The following TMPRSS11A variants were observed in gnomAD, a reference collection of about 807,000 sequenced individuals.
The protein encoded by TMPRSS11A is transmembrane serine protease 11A, also known as transmembrane protease serine 11A.
Under a neutral mutation model 58.9 loss-of-function variants are expected in TMPRSS11A, and 53 were observed. The observed-to-expected ratio is 0.90, with a 90% CI of 0.72 to 1.13. The LOEUF is 1.13. TMPRSS11A is among the 50% of genes most tolerant of loss of function. The pLI is 0.00. For synonymous variants in TMPRSS11A, 167 were observed against 169.8 expected (o/e 0.98, Z 0.13); for missense variants, 493 against 499.3 (o/e 0.99, Z 0.12).
chr4:67,936,873 A>C (rs189943943), intron 3 of TMPRSS11A, among the ~76,000 whole-genome samples: 3 of 152,232 alleles, frequency 2.0e-5, no homozygotes, highest in Admixed American at 2.0e-4. Flanking sequence ...AGATCTTTGA[A>C]TTGCTTTTGT....
At position 67,910,129 on chromosome 4, in the gene TMPRSS11A, C is replaced by G. The variant is rs1489271809; in HGVS notation, c.*1213G>C. On this transcript the variant is annotated 3_prime_UTR_variant, in exon 10 of 10. Coordinates refer to ENST00000508048, the MANE Select transcript of TMPRSS11A (RefSeq NM_001114387.2). The stretch of plus-strand genomic sequence containing the variant: ...TTAATTGTATTACGAAATACATGAG[C>G]CTTACTCTCCTAATGACTTCAGGAG... 1 of 151,910 alleles carries G rather than the reference C, an allele frequency of 6.6e-6. No individual in the cohort carries two copies. The highest frequency in any genetic ancestry group is 1.5e-5 in the Non-Finnish European group (1 of 67,924). 9.4% of individuals were successfully genotyped at this position (151,910 alleles called of 1,614,324 possible). A position where few individuals can be genotyped will look rare whatever the true frequency, so the allele number is the denominator to read the frequency against.
intron 6 of TMPRSS11A, 76 bp downstream of exon 6, chr4:67,924,052 A>C (rs1378618309): frequency 8.5e-7 from 1 of 1,180,230 alleles, no homozygotes; most frequent in East Asian, 2.3e-5. Context: ...ACAGATGGGC[A>C]AGTATGAGCA....
intron 5 of TMPRSS11A, among the ~76,000 whole-genome samples, chr4:67,928,791 C>A (rs1198852101): frequency 6.6e-6 from 1 of 152,180 alleles, no homozygotes; most frequent in South Asian, 2.1e-4. Flanking sequence ...GTCAGCTAGA[C>A]CCTTACAAGG....
rs144463430 is a variant in TMPRSS11A, at chr4:67,955,434, G to A, written c.11+7949C>T. Among the ~76,000 whole-genome samples, 46 of 152,256 alleles carry A rather than the reference G, an allele frequency of 3.0e-4. 1 individual carries two copies. The East Asian group carries it at 4.6e-3, about 15-fold the overall frequency. On this transcript the variant is annotated intron_variant, in intron 1 of 9. Coordinates refer to ENST00000508048, the MANE Select transcript of TMPRSS11A (RefSeq NM_001114387.2). The stretch of plus-strand genomic sequence containing the variant: ...CAGTATCACCTATTAAAGTTTGTAC[G>A]ATATGGTATCAGGTTGGAGGTTTAG...
intron 3 of TMPRSS11A, among the ~76,000 whole-genome samples, chr4:67,936,118 AC>A (rs1720746382): frequency 6.6e-6 from 1 of 152,144 alleles, no homozygotes; most frequent in Non-Finnish European, 1.5e-5. Context: ...TAACGCCTTC[AC>A]AGTGCCTACC....
intron 1 of TMPRSS11A, among the ~76,000 whole-genome samples, chr4:67,951,706 G>A (rs1349896529): frequency 6.6e-6 from 1 of 151,814 alleles, no homozygotes; most frequent in Non-Finnish European, 1.5e-5. Context: ...TCTTCATAAA[G>A]AAGTCCAAAA....
In TMPRSS11A at chr4:67,948,159, T is replaced by C. The variant is rs1330804174; in HGVS notation, c.12-1588A>G. Among the ~76,000 whole-genome samples, 25 of 144,152 alleles carry C rather than the reference T, an allele frequency of 1.7e-4. No individual in the cohort carries two copies. In the East Asian group the frequency reaches 3.2e-3, roughly 18 times the overall value. The allele number at this position is 144,152 out of a possible 152,430, so 94.6% of individuals were successfully genotyped here. A position where few individuals can be genotyped will look rare whatever the true frequency, so the allele number is the denominator to read the frequency against. ...AAACAGTTTTTTTCTTTTTTTTTTT[T>C]TTTTTTTTTGAGACGGAGTCTCACT... On this transcript the variant is annotated intron_variant, in intron 1 of 9. Transcript: ENST00000508048.
At chr4:67,914,798 C>T in intron 8 of TMPRSS11A, 68 bp from the exon 9 acceptor site, 1 of 1,304,308 alleles carries the variant, frequency 7.7e-7, no homozygotes, top group African/African-American at 1.5e-5. Flanking sequence ...AGTGAGCAGA[C>T]TTTCCTAATA....
chr4:67,928,556 G>C (rs1192269768), intron 5 of TMPRSS11A, among the ~76,000 whole-genome samples: 1 of 152,174 alleles, frequency 6.6e-6, no homozygotes, highest in Non-Finnish European at 1.5e-5. Context: ...TACACAGAAA[G>C]CATCATGTAA....
chr4:67,954,315 C>T (rs181708557), intron 1 of TMPRSS11A, among the ~76,000 whole-genome samples: 2 of 152,226 alleles, frequency 1.3e-5, no homozygotes, highest in Non-Finnish European at 2.9e-5. Context: ...TGGAGGGATA[C>T]TTCAATCCCC....
In TMPRSS11A at chr4:67,911,291, C is replaced by A. The variant is rs780260050; in HGVS notation, c.*51G>T. 3 of 1,547,682 alleles carry A rather than the reference C, an allele frequency of 1.9e-6. No individual in the cohort carries two copies. The Admixed American group carries it at 5.2e-5, about 27-fold the overall frequency. ...TACACCCACTAAATAGTTGAATTCTCATGCATATATGACCTGCATACAGCT... is the reference window on the plus strand; with the variant it reads ...TACACCCACTAAATAGTTGAATTCTAATGCATATATGACCTGCATACAGCT... On this transcript the variant is annotated 3_prime_UTR_variant, in exon 10 of 10. Coordinates refer to ENST00000508048, the MANE Select transcript of TMPRSS11A (RefSeq NM_001114387.2).
At chr4:67,923,008 A>T in intron 6 of TMPRSS11A, 82 bp from the exon 7 acceptor site, 3 of 1,352,380 alleles carry the variant, frequency 2.2e-6, no homozygotes, top group Non-Finnish European at 3.1e-6. Context: ...GCCTGAAGAC[A>T]TTTTCGTATA....
chr4:67,929,778 T>C (rs2218059), intron 5 of TMPRSS11A, 102 bp downstream of exon 5: 34 of 1,099,172 alleles, frequency 3.1e-5, no homozygotes, highest in Non-Finnish European at 3.6e-5. Flanking sequence ...ATCTGAATTC[T>C]AGCTATTATT....
At chr4:67,955,504 T>C (rs1028688811) in intron 1 of TMPRSS11A, among the ~76,000 whole-genome samples, 2 of 152,210 alleles carry the variant, frequency 1.3e-5, no homozygotes, top group South Asian at 4.1e-4. Flanking sequence ...GAATTGTTTG[T>C]ATTCAAATGC....
chr4:67,925,422 A>G (rs896844653), intron 5 of TMPRSS11A, among the ~76,000 whole-genome samples: 1 of 152,216 alleles, frequency 6.6e-6, no homozygotes, highest in African/African-American at 2.4e-5. Context: ...TACCAGTGCC[A>G]TGTTTCTCAG....
intron 1 of TMPRSS11A, among the ~76,000 whole-genome samples, chr4:67,959,435 T>C (rs2109774166): frequency 6.6e-6 from 1 of 151,982 alleles, no homozygotes; most frequent in South Asian, 2.1e-4. Context: ...TCAGAGAAAA[T>C]AGTCACAAAC....
intron 1 of TMPRSS11A, among the ~76,000 whole-genome samples, chr4:67,962,412 C>T (rs777939873): frequency 2.0e-5 from 3 of 152,138 alleles, no homozygotes; most frequent in Non-Finnish European, 2.9e-5. Context: ...GCTGCAGTAG[C>T]TGATAAGGAA....
At position 67,922,839 on chromosome 4, in the gene TMPRSS11A, G is replaced by T. The variant is rs1720365680; in HGVS notation, c.608C>A (p.Ser203Tyr). ...APKAAWPWQASLQYDNIHQCG... is the reference protein window; with the variant it reads ...APKAAWPWQAYLQYDNIHQCG... ...CTGATGGATGTTATCATACTGAAGG[G>T]AAGCTTGCCAAGGCCAGGCCGCCTT... is the stretch of plus-strand genomic sequence containing the variant. Residue 203 changes from serine to tyrosine, a missense_variant, in exon 7 of 10, where the codon TCC (serine) becomes TAC (tyrosine). Coordinates refer to ENST00000508048, the MANE Select transcript of TMPRSS11A (RefSeq NM_001114387.2). 1.1e-5 allele frequency: 18 copies of T among 1,614,156 alleles called. No homozygotes were observed. The highest frequency in any genetic ancestry group is 1.4e-5 in the Non-Finnish European group (16 of 1,180,010).
chr4:67,950,330 T>G (rs1414846454), intron 1 of TMPRSS11A, among the ~76,000 whole-genome samples: 1 of 152,258 alleles, frequency 6.6e-6, no homozygotes, highest in South Asian at 2.1e-4. Flanking sequence ...AGCTCCCAGA[T>G]GCCATCCATT....
Sources: allele counts gnomAD v4.1 joint callset (sites outside exome capture counted in the v4.1 genomes callset), GRCh38; gene constraint gnomAD v4.1.1; transcripts MANE v1.5; gene names NCBI Gene and HGNC (gene_info 2026-07-23, HGNC 2026-07-21).